The following CPM variants were observed in gnomAD, a reference collection of about 807,000 sequenced individuals.
CPM encodes the protein renal carboxypeptidase.
CPM carries 35 observed loss-of-function variants against 46.4 expected under a neutral mutation model. That is an observed-to-expected ratio of 0.75 (90% CI 0.58 to 1.00). The LOEUF (loss-of-function observed/expected upper bound fraction) is 1.00, where lower values mean the gene tolerates loss of function less well. CPM is among the 50% of genes least tolerant of loss of function. CPM has a pLI of 0.00. For missense variants in CPM, 422 were observed against 530.4 expected, an observed-to-expected ratio of 0.80 and a Z score of 2.01; for synonymous variants, 195 against 195.3, an observed-to-expected ratio of 1.00 and a Z score of 0.01.
intron 3 of CPM, among the ~76,000 whole-genome samples, chr12:68,878,966 T>C (rs1316707188): frequency 3.3e-5 from 5 of 152,150 alleles, no homozygotes; most frequent in Middle Eastern, 3.2e-3. Context: ...AGCCAGAGGA[T>C]CGCTTGAGGC....
At chr12:68,861,121 A>T (rs1185957527) in intron 7 of CPM, among the ~76,000 whole-genome samples, 1 of 152,086 alleles carries the variant, frequency 6.6e-6, no homozygotes, top group Non-Finnish European at 1.5e-5. Context: ...AGCTCACATG[A>T]TCTACCTTGG....
intron 2 of CPM, among the ~76,000 whole-genome samples, chr12:68,894,428 G>A (rs757056811): frequency 2.0e-5 from 3 of 152,108 alleles, no homozygotes; most frequent in Non-Finnish European, 4.4e-5. Flanking sequence ...TCGGTGTTCA[G>A]GGTCCTCCAT....
intron 3 of CPM, among the ~76,000 whole-genome samples, chr12:68,879,907 G>C (rs1330071895): frequency 1.3e-5 from 2 of 152,036 alleles, no homozygotes; most frequent in Non-Finnish European, 2.9e-5. Context: ...CTGGTTTCAG[G>C]GCATGGTCCC....
In CPM at chr12:68,950,863, C is replaced by T. The variant is rs181183856; in HGVS notation, c.-4+12306G>A. 3.1e-3 allele frequency among the ~76,000 whole-genome samples: 468 copies of T among 152,336 alleles called. 2 individuals are homozygous for T. The highest frequency in any genetic ancestry group is 0.01 in the African/African-American group (433 of 41,566). On this transcript the variant is annotated intron_variant, in intron 1 of 8. Coordinates refer to the CPM transcript ENST00000546373. ...AGGCCCAGCTCTTCCCCACAGGCTC[C>T]AGTTTGTCTTTACCTTCTCCAACTT...
intron 1 of CPM, among the ~76,000 whole-genome samples, chr12:68,950,743 C>T (rs916693426): frequency 3.3e-5 from 5 of 152,196 alleles, no homozygotes; most frequent in African/African-American, 1.2e-4. Flanking sequence ...GTATTTACTC[C>T]TGACTAAGGT....
In CPM at chr12:68,858,921, A is replaced by G. The variant is rs1885091792; in HGVS notation, c.1089+2T>C. 2 of 1,451,234 alleles carry G rather than the reference A, an allele frequency of 1.4e-6. No individual in the cohort carries two copies. Among genetic ancestry groups the G allele is most frequent in the Non-Finnish European group, 1.8e-6 (2 of 1,094,068 alleles). The allele number at this position is 1,451,234 out of a possible 1,614,324, so 89.9% of individuals were successfully genotyped here. ...TAACAATAACTAGCATTGCATACTT[A>G]CATTTATTATATAAGACCCAGGCAA... On this transcript the variant is annotated splice_donor_variant, in intron 8 of 8. Coordinates refer to ENST00000551568, the MANE Select transcript of CPM (RefSeq NM_198320.5). LOFTEE classifies it high-confidence loss of function.
At position 68,874,765 on chromosome 12, in the gene CPM, G is replaced by A. The variant is rs558455588; in HGVS notation, c.259-2809C>T. On this transcript the variant is annotated intron_variant, in intron 3 of 8. Coordinates refer to ENST00000551568, the MANE Select transcript of CPM (RefSeq NM_198320.5). ...AATGCTGGTTAGAGGCCATAGTATG[G>A]TTCAATCGGCAAAAATCCCTGGCCT... Among the ~76,000 whole-genome samples the A allele has an allele frequency of 6.6e-5, 10 of 152,256 alleles. No homozygotes were observed. In the East Asian group the frequency reaches 1.7e-3, roughly 26 times the overall value.
At chr12:68,942,765 G>A (rs879515089) in intron 1 of CPM, among the ~76,000 whole-genome samples, 2 of 152,154 alleles carry the variant, frequency 1.3e-5, no homozygotes, top group Non-Finnish European at 2.9e-5. Context: ...TCTGCTTCTT[G>A]TGTCTTATCC....
intron 2 of CPM, among the ~76,000 whole-genome samples, chr12:68,931,613 C>T (rs1255164081): frequency 6.6e-5 from 10 of 151,532 alleles, no homozygotes; most frequent in Admixed American, 1.3e-4. Context: ...GCTGTGGTGG[C>T]GCATTCCTGT....
intron 6 of CPM, 73 bp from the exon 7 acceptor site, chr12:68,867,121 A>G: frequency 6.9e-7 from 1 of 1,445,880 alleles, no homozygotes; most frequent in Non-Finnish European, 9.7e-7. Context: ...TGCCTCGGGG[A>G]CAAATGAATC....
In CPM at chr12:68,853,753, G is replaced by A. The variant is rs1343985017; in HGVS notation, c.*2684C>T. The A allele has an allele frequency of 1.3e-5, 2 of 151,848 alleles. No individual in the cohort carries two copies. Among genetic ancestry groups the A allele is most frequent in the Non-Finnish European group, 2.9e-5 (2 of 67,978 alleles). 9.4% of individuals were successfully genotyped at this position (151,848 alleles called of 1,614,324 possible). ...AAGAAGGATGGGAAGGGGAGGGAAG[G>A]GGAGGGGAGCGGAGGAAAGAAGAAA... On this transcript the variant is annotated 3_prime_UTR_variant, in exon 9 of 9. Coordinates refer to ENST00000551568, the MANE Select transcript of CPM (RefSeq NM_198320.5).
At chr12:68,961,961 G>A (rs1340754426) in intron 1 of CPM, among the ~76,000 whole-genome samples, 1 of 152,110 alleles carries the variant, frequency 6.6e-6, no homozygotes, top group Non-Finnish European at 1.5e-5. Context: ...AGCACTTTGG[G>A]AGGCCAAGGC....
chr12:68,927,068 G>A (rs911255567), intron 2 of CPM, among the ~76,000 whole-genome samples: 18 of 151,916 alleles, frequency 1.2e-4, no homozygotes, highest in African/African-American at 3.4e-4. Context: ...TAGTCCTTTG[G>A]GTATATACCC....
In CPM at chr12:68,889,791, C is replaced by T. The variant is rs1409989467; in HGVS notation, c.161-3902G>A. 3.3e-5 allele frequency among the ~76,000 whole-genome samples: 5 copies of T among 152,252 alleles called. No homozygotes were observed. In the East Asian group the frequency reaches 5.8e-4, roughly 18 times the overall value. ...AACTCCTCCCTTCTCAGGCCCAGTCCCAAGGCGCAAGTCCACTTGTGTCAG... is the reference window on the plus strand; with the variant it reads ...AACTCCTCCCTTCTCAGGCCCAGTCTCAAGGCGCAAGTCCACTTGTGTCAG... On this transcript the variant is annotated intron_variant, in intron 2 of 8. Transcript: ENST00000551568.
At chr12:68,925,586 G>C (rs1212368828) in intron 2 of CPM, among the ~76,000 whole-genome samples, 1 of 152,208 alleles carries the variant, frequency 6.6e-6, no homozygotes, top group Non-Finnish European at 1.5e-5. Flanking sequence ...AAGTTTTAGA[G>C]ATAACATGTT....
chr12:68,846,515 A>G (rs751204783), downstream of CPM: 3 of 152,140 alleles, frequency 2.0e-5, no homozygotes, highest in African/African-American at 4.8e-5. Flanking sequence ...ACTGTCCTGT[A>G]TTAAGTAGGC....
At position 68,855,654 on chromosome 12, in the gene CPM, C is replaced by T. The variant is rs910049918; in HGVS notation, c.*783G>A. The T allele has an allele frequency of 2.0e-5, 3 of 151,714 alleles. No individual in the cohort carries two copies. The highest frequency in any genetic ancestry group is 4.9e-5 in the African/African-American group (2 of 41,084). 9.4% of individuals were successfully genotyped at this position (151,714 alleles called of 1,614,324 possible). A position where few individuals can be genotyped will look rare whatever the true frequency, so the allele number is the denominator to read the frequency against. On this transcript the variant is annotated 3_prime_UTR_variant, in exon 9 of 9. Transcript: ENST00000551568. ...TTCCCAGTCCTATGATCATTTCTCCCTTCTTCTGAGAACTAATTATATATG... is the reference window on the plus strand; with the variant it reads ...TTCCCAGTCCTATGATCATTTCTCCTTTCTTCTGAGAACTAATTATATATG...
At chr12:68,953,417 C>T (rs906489383) in intron 1 of CPM, among the ~76,000 whole-genome samples, 7 of 152,214 alleles carry the variant, frequency 4.6e-5, no homozygotes, top group Non-Finnish European at 8.8e-5. Context: ...GCCACAATCT[C>T]TTCAATAATC....
chr12:68,843,456 TTTAACATTTAAAATTTCTA>T (rs1172288678), intron 5 of CPM: 1 of 228,278 alleles, frequency 4.4e-6, no homozygotes, highest in Non-Finnish European at 8.7e-6. Context: ...CAATTATGTA[TTTAACATTTAAAATTTCTA>T]ATATAAGTAT....
Sources: allele counts gnomAD v4.1 joint callset (sites outside exome capture counted in the v4.1 genomes callset), GRCh38; gene constraint gnomAD v4.1.1; transcripts MANE v1.5; gene names NCBI Gene and HGNC (gene_info 2026-07-23, HGNC 2026-07-21).